Variants in MAMDC2 observed in about 807,000 individuals in gnomAD.
MAMDC2 encodes the protein MAM domain containing 2, also known as MAM domain-containing protein 2.
Under a neutral mutation model 89.8 loss-of-function variants are expected in MAMDC2, and 57 were observed. The ratio of observed to expected loss-of-function variants is 0.63; its 90% CI spans 0.51 to 0.79. MAMDC2 has a LOEUF of 0.79. MAMDC2 is among the 30% of genes least tolerant of loss of function. The pLI, the probability that MAMDC2 is intolerant of heterozygous loss-of-function variation, is 0.00. For missense variants in MAMDC2, 800 were observed against 820.6 expected (o/e 0.97, Z 0.31); for synonymous variants, 313 against 293.4 (o/e 1.07, Z -0.68).
At chr9:70,207,078 T>C (rs12349698) in intron 11 of MAMDC2, among the ~76,000 whole-genome samples, 130,263 of 152,198 alleles carry the variant, frequency 0.86, 55,985 homozygotes, top group East Asian at 0.94. Context: ...TGAATAGTGC[T>C]GAAATAAACA....
intron 9 of MAMDC2, among the ~76,000 whole-genome samples, chr9:70,158,507 C>T (rs1007143593): frequency 2.0e-5 from 3 of 150,860 alleles, no homozygotes; most frequent in African/African-American, 7.3e-5. Flanking sequence ...ATAATATGTA[C>T]ATATATACAT....
rs751855886 is a variant in MAMDC2, at chr9:70,140,175, G to A, written c.1025G>A (p.Cys342Tyr). The A allele has an allele frequency of 1.3e-6, 2 of 1,594,340 alleles. No homozygotes were observed. Among genetic ancestry groups the A allele is most frequent in the Non-Finnish European group, 1.7e-6 (2 of 1,174,232 alleles). Residue 342 changes from cysteine (C) to tyrosine (Y), a missense_variant, in exon 8 of 14, where the codon TGC becomes TAC. Cys to Tyr is a radical substitution (Grantham distance 194). Transcript: ENST00000377182. Reference protein sequence around the residue: ...ELLFSAVEASCNFEQDLCNFY... With the variant: ...ELLFSAVEASYNFEQDLCNFY... ...CTGTTCAGTGCCGTGGAAGCCAGCT[G>A]CAATTTTGAGCAAGATCTCTGCAAC...
chr9:70,151,288 A>G (rs879196362), intron 9 of MAMDC2, among the ~76,000 whole-genome samples: 1 of 152,154 alleles, frequency 6.6e-6, no homozygotes, highest in Non-Finnish European at 1.5e-5. Context: ...TGCCCAGTTT[A>G]TTTTGTGTAT....
At chr9:70,214,929 C>A (rs2033417551) in intron 11 of MAMDC2, among the ~76,000 whole-genome samples, 1 of 152,102 alleles carries the variant, frequency 6.6e-6, no homozygotes. Context: ...GAGATGTCTA[C>A]CTGACAGTAA....
intron 2 of MAMDC2, among the ~76,000 whole-genome samples, chr9:70,066,595 G>A (rs1290868547): frequency 6.6e-6 from 1 of 152,196 alleles, no homozygotes; most frequent in Admixed American, 6.5e-5. Context: ...GGGCCATGGT[G>A]TATGATGGTA....
At chr9:70,181,491 A>AT (rs918310826) in intron 11 of MAMDC2, among the ~76,000 whole-genome samples, 4 of 151,884 alleles carry the variant, frequency 2.6e-5, no homozygotes, top group African/African-American at 7.3e-5. Context: ...TAAGCATGGA[A>AT]TTTTTTTTCC....
In MAMDC2 at chr9:70,108,342, C is replaced by T. The variant is rs1215000351; in HGVS notation, c.280C>T (p.Leu94=). The part of the protein sequence containing the change: ...VYQITTSSES[L]SDPSQLNLYM... ...CCAGATAACCACATCTTCGGAGTCTCTGTCAGATCCCAGCCAGCTGAACCT... is the reference window on the plus strand; with the variant it reads ...CCAGATAACCACATCTTCGGAGTCTTTGTCAGATCCCAGCCAGCTGAACCT... Residue 94 remains leucine, a synonymous_variant, in exon 3 of 14, where the codon CTG becomes TTG. Coordinates refer to ENST00000377182, the MANE Select transcript of MAMDC2 (RefSeq NM_153267.5). The T allele has an allele frequency of 6.2e-7, 1 of 1,614,114 alleles. No individual in the cohort carries two copies. The highest frequency in any genetic ancestry group is 8.5e-7 in the Non-Finnish European group (1 of 1,179,980).
At chr9:70,052,212 G>A (rs12352964) in intron 2 of MAMDC2, among the ~76,000 whole-genome samples, 24,306 of 152,040 alleles carry the variant, frequency 0.16, 1,993 homozygotes, top group East Asian at 0.17. Flanking sequence ...AAATGCCCTC[G>A]TCTTAAGTAT....
At chr9:70,154,946 C>T (rs1347582297) in intron 9 of MAMDC2, among the ~76,000 whole-genome samples, 1 of 152,114 alleles carries the variant, frequency 6.6e-6, no homozygotes, top group Non-Finnish European at 1.5e-5. Context: ...AGCCCCCATG[C>T]AAATCCCAAT....
At chr9:70,206,608 C>G (rs181846559) in intron 11 of MAMDC2, among the ~76,000 whole-genome samples, 1 of 152,040 alleles carries the variant, frequency 6.6e-6, no homozygotes, top group Non-Finnish European at 1.5e-5. Context: ...GACTTTGTTT[C>G]ATATTTTTTT....
chr9:70,051,562 T>A (rs1016897211), intron 2 of MAMDC2, among the ~76,000 whole-genome samples: 7 of 152,228 alleles, frequency 4.6e-5, no homozygotes, highest in Non-Finnish European at 7.3e-5. Flanking sequence ...ACCTCTTTGG[T>A]AGATCACCCC....
At chr9:70,136,580 G>C (rs1038472018) in intron 7 of MAMDC2, among the ~76,000 whole-genome samples, 3 of 152,208 alleles carry the variant, frequency 2.0e-5, no homozygotes, top group East Asian at 3.9e-4. Context: ...AGTCGCCCAA[G>C]AGCACTGCTT....
chr9:70,157,448 C>T (rs527771011), intron 9 of MAMDC2: 1 of 152,372 alleles, frequency 6.6e-6, no homozygotes, highest in Non-Finnish European at 1.5e-5. Context: ...ATATGCCTAC[C>T]TTTCCCTCCT....
At chr9:70,202,159 T>C (rs2033113056) in intron 11 of MAMDC2, among the ~76,000 whole-genome samples, 1 of 151,898 alleles carries the variant, frequency 6.6e-6, no homozygotes, top group African/African-American at 2.4e-5. Context: ...GTGTCAATTT[T>C]GGATCTTTCC....
intron 2 of MAMDC2, among the ~76,000 whole-genome samples, chr9:70,065,836 A>G (rs930173344): frequency 1.3e-5 from 2 of 151,968 alleles, no homozygotes; most frequent in African/African-American, 2.4e-5. Flanking sequence ...ACATTTTCCC[A>G]TTGTTTTTTC....
intron 9 of MAMDC2, among the ~76,000 whole-genome samples, chr9:70,156,244 C>A (rs1192784473): frequency 6.6e-6 from 1 of 152,076 alleles, no homozygotes; most frequent in African/African-American, 2.4e-5. Context: ...CTTTTAAAAT[C>A]TTTTTAACTA....
At chr9:70,223,626 C>T (rs2118703009) in intron 12 of MAMDC2, among the ~76,000 whole-genome samples, 1 of 152,306 alleles carries the variant, frequency 6.6e-6, no homozygotes, top group Middle Eastern at 3.4e-3. Flanking sequence ...CCATGTTTCC[C>T]TTAAAATTTC....
chr9:70,071,217 G>A (rs1395796236), intron 2 of MAMDC2, among the ~76,000 whole-genome samples: 1 of 152,160 alleles, frequency 6.6e-6, no homozygotes, highest in Non-Finnish European at 1.5e-5. Context: ...AAGACCAACC[G>A]TGAGATGAAG....
intron 11 of MAMDC2, among the ~76,000 whole-genome samples, chr9:70,208,101 C>T (rs11142098): frequency 0.53 from 80,698 of 151,958 alleles, 24,667 homozygotes; most frequent in Non-Finnish European, 0.67. Context: ...CTTAGGATTG[C>T]GTTGGCACTG....
Sources: allele counts gnomAD v4.1 joint callset (sites outside exome capture counted in the v4.1 genomes callset), GRCh38; gene constraint gnomAD v4.1.1; transcripts MANE v1.5; gene names NCBI Gene and HGNC (gene_info 2026-07-23, HGNC 2026-07-21).